Variants in PRIMA1 observed in about 807,000 individuals in gnomAD.
The protein encoded by PRIMA1 is proline rich membrane anchor 1.
PRIMA1 carries 7 observed loss-of-function variants against 17.5 expected under a neutral mutation model. That is an observed-to-expected ratio of 0.40 (90% CI 0.23 to 0.75). The LOEUF (loss-of-function observed/expected upper bound fraction) is 0.75, where lower values mean the gene tolerates loss of function less well. Ranked by LOEUF, PRIMA1 falls within the 30% of genes least tolerant of loss-of-function variation. PRIMA1 has a pLI of 0.37. For missense variants in PRIMA1, 200 were observed against 201.8 expected, an observed-to-expected ratio of 0.99 and a Z score of 0.05; for synonymous variants, 97 against 77.9, an observed-to-expected ratio of 1.25 and a Z score of -1.29.
At chr14:93,748,208 C>T (rs922451775) in intron 3 of PRIMA1, among the ~76,000 whole-genome samples, 31 of 152,038 alleles carry the variant, frequency 2.0e-4, no homozygotes, top group Admixed American at 5.9e-4. Context: ...GGCCTGTGCC[C>T]GGTGTGTGTG....
intron 3 of PRIMA1, among the ~76,000 whole-genome samples, chr14:93,772,658 C>T (rs545352427): frequency 6.6e-6 from 1 of 152,258 alleles, no homozygotes; most frequent in Admixed American, 6.5e-5. Flanking sequence ...AATACCTTCA[C>T]CAGGGACACT....
intron 3 of PRIMA1, among the ~76,000 whole-genome samples, chr14:93,746,983 C>T (rs911516254): frequency 2.3e-4 from 35 of 152,208 alleles, no homozygotes; most frequent in African/African-American, 6.5e-4. Flanking sequence ...TCACACACCA[C>T]GGGAGACAGT....
Position 93,726,193 on chromosome 14 carries a change from C to T in PRIMA1, c.360-4647G>A, listed in dbSNP as rs1350064123. On this transcript the variant is annotated intron_variant, in intron 4 of 4. Transcript: ENST00000393140. The surrounding 1 kb of genome is among the most constrained non-coding windows in gnomAD (Gnocchi z 4.2). ...CTCCAGCCGCACATGCCAGCAGCCA[C>T]GAGGGGCCCCTGCAGAAACTGTGCC... 1.3e-5 allele frequency among the ~76,000 whole-genome samples: 2 copies of T among 152,154 alleles called. No individual in the cohort carries two copies. The highest frequency in any genetic ancestry group is 2.1e-4 in the South Asian group (1 of 4,824).
At chr14:93,754,395 T>A (rs1427404147) in intron 3 of PRIMA1, among the ~76,000 whole-genome samples, 1 of 144,860 alleles carries the variant, frequency 6.9e-6, no homozygotes, top group South Asian at 2.4e-4. Flanking sequence ...AGTGCCTTGG[T>A]CCAGCATAAA....
chr14:93,733,027 G>C (rs115627611), intron 4 of PRIMA1, among the ~76,000 whole-genome samples: 5 of 152,166 alleles, frequency 3.3e-5, no homozygotes, highest in East Asian at 1.9e-4. Context: ...AGATAAAAAG[G>C]CTTGTTTACA....
intron 2 of PRIMA1, among the ~76,000 whole-genome samples, chr14:93,781,594 C>T (rs187445477): frequency 1.4e-4 from 21 of 152,322 alleles, no homozygotes; most frequent in African/African-American, 4.6e-4. Context: ...TATGAAGGCA[C>T]AGATGTATAA....
chr14:93,749,914 C>G (rs143284594), intron 3 of PRIMA1, among the ~76,000 whole-genome samples: 2 of 152,208 alleles, frequency 1.3e-5, no homozygotes, highest in Admixed American at 6.5e-5. Flanking sequence ...GGTGCAGTGG[C>G]TCATGCCTGT....
At chr14:93,747,303 C>T (rs570257866) in intron 3 of PRIMA1, among the ~76,000 whole-genome samples, 1 of 152,320 alleles carries the variant, frequency 6.6e-6, no homozygotes, top group South Asian at 2.1e-4. Flanking sequence ...TACAGCGAGG[C>T]TGGGAGCCAG....
chr14:93,758,594 C>CAAAAAAA (rs34329291), intron 3 of PRIMA1, among the ~76,000 whole-genome samples: 19 of 81,256 alleles, frequency 2.3e-4, no homozygotes, highest in Admixed American at 7.2e-4. Context: ...GCAAGACTCT[C>CAAAAAAA]AAAAAAAAAA....
At chr14:93,765,205 T>C (rs796622105) in intron 3 of PRIMA1, among the ~76,000 whole-genome samples, 8 of 152,078 alleles carry the variant, frequency 5.3e-5, no homozygotes, top group African/African-American at 1.9e-4. Context: ...GGCAGGCTCT[T>C]ACAAAATGTA....
chr14:93,768,383 T>C (rs1051173235), intron 3 of PRIMA1, among the ~76,000 whole-genome samples: 10 of 152,230 alleles, frequency 6.6e-5, no homozygotes, highest in African/African-American at 2.4e-4. Context: ...CACCTGTTTC[T>C]ATTTTGATAC....
chr14:93,780,031 G>A (rs961308291), intron 2 of PRIMA1, among the ~76,000 whole-genome samples: 4 of 152,202 alleles, frequency 2.6e-5, no homozygotes, highest in Admixed American at 6.5e-5. Context: ...TGCAAGGGGC[G>A]ATCCCTGACA....
At chr14:93,741,069 G>A (rs2076181538) in intron 3 of PRIMA1, among the ~76,000 whole-genome samples, 2 of 152,218 alleles carry the variant, frequency 1.3e-5, no homozygotes, top group South Asian at 4.1e-4. Context: ...GCATGTGTAT[G>A]AGAAAACTAC....
intron 2 of PRIMA1, among the ~76,000 whole-genome samples, chr14:93,786,586 C>T (rs914252742): frequency 1.3e-5 from 2 of 152,074 alleles, no homozygotes; most frequent in Non-Finnish European, 1.5e-5. Flanking sequence ...TGTGAATTGT[C>T]CCCAAACCCC....
In PRIMA1 at chr14:93,737,344, C is replaced by T; in HGVS notation, c.256G>A (p.Glu86Lys). The part of the protein sequence containing the change: ...PAPNSTSCPT[E>K]ESWWSGLVII... ...ACCAGCCCCGACCACCAGCTTTCCT[C>T]AGTGGGGCAAGAGGTAGAGTTGGGA... Residue 86 changes from glutamate to lysine, a missense_variant, in exon 4 of 5, where the codon GAG (glutamate) becomes AAG (lysine). Physicochemically the swap from Glu to Lys is moderately conservative, Grantham distance 56 (BLOSUM62 1). Coordinates refer to ENST00000393140, the MANE Select transcript of PRIMA1 (RefSeq NM_178013.4). 2 of 1,614,124 alleles carry T rather than the reference C, an allele frequency of 1.2e-6. No homozygotes were observed. Among genetic ancestry groups the T allele is most frequent in the Non-Finnish European group, 1.7e-6 (2 of 1,180,024 alleles).
Position 93,779,236 on chromosome 14 carries a change from G to C in PRIMA1, c.169C>G (p.Pro57Ala). ...GGGGGCGGCGGGGGCAGCGGGGGAG[G>C]GGGCCGGCACTGGCAGACGTGTCGG... ...SCRHVCQCRPPPPLPPPPPPP... is the reference protein window; with the variant it reads ...SCRHVCQCRPAPPLPPPPPPP... The change falls in exon 3 of 5, where the codon CCT becomes GCT. Residue 57 changes from proline to alanine, a missense_variant. Pro to Ala is a conservative substitution (Grantham distance 27, BLOSUM62 -1). Transcript: ENST00000393140. 1 of 1,503,298 alleles carries C rather than the reference G, an allele frequency of 6.7e-7. No homozygotes were observed. Among genetic ancestry groups the C allele is most frequent in the Non-Finnish European group, 8.8e-7 (1 of 1,130,916 alleles). The allele number at this position is 1,503,298 out of a possible 1,614,324, so 93.1% of individuals were successfully genotyped here.
chr14:93,741,622 A>C (rs1196575384), intron 3 of PRIMA1, among the ~76,000 whole-genome samples: 1 of 152,222 alleles, frequency 6.6e-6, no homozygotes, highest in East Asian at 1.9e-4. Flanking sequence ...ATTAATTACA[A>C]AGCTAAGACC....
chr14:93,732,346 G>A (rs1196926013), intron 4 of PRIMA1, among the ~76,000 whole-genome samples: 7 of 152,192 alleles, frequency 4.6e-5, no homozygotes, highest in Non-Finnish European at 8.8e-5. Context: ...TCCCCAAGCT[G>A]GGATCTGAGG....
chr14:93,761,029 G>A (rs1884708252), intron 3 of PRIMA1, among the ~76,000 whole-genome samples: 1 of 151,942 alleles, frequency 6.6e-6, no homozygotes, highest in Admixed American at 6.6e-5. Context: ...CTCTTCAACA[G>A]TTTTCCATAG....
Sources: allele counts gnomAD v4.1 joint callset (sites outside exome capture counted in the v4.1 genomes callset), GRCh38; gene constraint gnomAD v4.1.1; non-coding constraint Gnocchi (gnomAD v3.1); transcripts MANE v1.5; gene names NCBI Gene and HGNC (gene_info 2026-07-23, HGNC 2026-07-21).